Variants in SAMD5 observed in about 807,000 individuals in gnomAD.
The protein encoded by SAMD5 is sterile alpha motif domain containing 5.
A neutral mutation model predicts 11.3 loss-of-function variants in SAMD5; 13 were observed. The observed-to-expected ratio is 1.15, with a 90% confidence interval of 0.75 to 1.83. SAMD5 has a LOEUF of 1.83. Among genes scored for constraint, SAMD5 ranks in the 40% most tolerant of loss-of-function variants. SAMD5 has a pLI of 0.00. For synonymous variants in SAMD5, 129 were observed against 111.3 expected (o/e 1.16, Z -1.00); for missense variants, 255 against 239.1 (o/e 1.07, Z -0.44).
At chr6:147,922,706 A>C in the SAMD5 span, among the ~76,000 whole-genome samples, 92 of 152,340 alleles carry the variant, frequency 6.0e-4, no homozygotes, top group African/African-American at 2.0e-3. Flanking sequence ...CTATTTTTTC[A>C]GTAATGCTTA....
intron 1 of SAMD5, among the ~76,000 whole-genome samples, chr6:147,720,462 CA>C (rs11335024): frequency 0.12 from 16,374 of 141,294 alleles, 2,571 homozygotes; most frequent in African/African-American, 0.37. Context: ...GACTCTGTCT[CA>C]AAAAAAAAAA....
intron 1 of SAMD5, among the ~76,000 whole-genome samples, chr6:147,576,419 G>A (rs550330319): frequency 7.2e-5 from 11 of 152,132 alleles, no homozygotes; most frequent in Non-Finnish European, 1.5e-4. Flanking sequence ...GATTACAGGC[G>A]TGAGCCACTG....
intron 1 of SAMD5, among the ~76,000 whole-genome samples, chr6:147,633,644 T>C (rs1252423394): frequency 6.6e-6 from 1 of 152,024 alleles, no homozygotes; most frequent in East Asian, 1.9e-4. Flanking sequence ...ATGCAAAGTA[T>C]TGAACCCAAT....
the SAMD5 span, among the ~76,000 whole-genome samples, chr6:147,898,893 TGTGTTGGCCGGGC>T: frequency 6.6e-6 from 1 of 151,928 alleles, no homozygotes; most frequent in African/African-American, 2.4e-5. Context: ...TAAGATAACA[TGTGTTGGCCGGGC>T]GTGGTGGCTC....
At chr6:147,664,308 G>C (rs1187108973) in intron 1 of SAMD5, among the ~76,000 whole-genome samples, 2 of 152,244 alleles carry the variant, frequency 1.3e-5, no homozygotes, top group East Asian at 3.9e-4. Context: ...CTCTGTCAGA[G>C]GAAAGGGCAT....
At chr6:147,564,249 A>G (rs139345445) in intron 1 of SAMD5, 145 bp from the exon 2 acceptor site, 2 of 516,398 alleles carry the variant, frequency 3.9e-6, no homozygotes, top group African/African-American at 3.9e-5. Flanking sequence ...ACAAGCAAAA[A>G]CTCTTAGGGC....
chr6:147,636,284 A>C (rs1338500580), intron 1 of SAMD5, among the ~76,000 whole-genome samples: 1 of 152,208 alleles, frequency 6.6e-6, no homozygotes, highest in African/African-American at 2.4e-5. Context: ...ATGCGAGGTA[A>C]TTCTGTAATA....
chr6:147,646,971 CTAATAATAATAATAATAATAATAA>C (rs5880722), intron 1 of SAMD5, among the ~76,000 whole-genome samples: 1 of 138,090 alleles, frequency 7.2e-6, no homozygotes, highest in South Asian at 2.4e-4. Context: ...AACCTCATCT[CTAATAATAATAATAATAATAATAA>C]TAATAATAAT....
the SAMD5 span, among the ~76,000 whole-genome samples, chr6:147,844,997 TCA>T: frequency 2.0e-5 from 3 of 152,150 alleles, no homozygotes; most frequent in Non-Finnish European, 4.4e-5. Context: ...TCAAATGTTC[TCA>T]CCACAAATAA....
the SAMD5 span, among the ~76,000 whole-genome samples, chr6:147,918,596 C>A: frequency 6.6e-6 from 1 of 151,990 alleles, no homozygotes; most frequent in Non-Finnish European, 1.5e-5. Context: ...TTTAGAAAAC[C>A]CCATTGTTTC....
the SAMD5 span, among the ~76,000 whole-genome samples, chr6:147,772,834 C>T: frequency 2.6e-5 from 4 of 152,154 alleles, no homozygotes; most frequent in African/African-American, 4.8e-5. Context: ...GGGATTAGGG[C>T]TTCAACATAT....
the SAMD5 span, among the ~76,000 whole-genome samples, chr6:147,937,798 T>C: frequency 1.1e-4 from 16 of 152,200 alleles, no homozygotes; most frequent in Non-Finnish European, 2.1e-4. Context: ...AATTTGATAA[T>C]GTCATATATC....
At chr6:147,938,340 A>G in the SAMD5 span, among the ~76,000 whole-genome samples, 1 of 152,242 alleles carries the variant, frequency 6.6e-6, no homozygotes, top group African/African-American at 2.4e-5. Context: ...AACGAAAAAG[A>G]TAACACTCCT....
chr6:147,530,277 A>G (rs1166783965), intron 1 of SAMD5, among the ~76,000 whole-genome samples: 1 of 152,238 alleles, frequency 6.6e-6, no homozygotes, highest in Non-Finnish European at 1.5e-5. Flanking sequence ...CTGGAGGAGA[A>G]ATTATTTTTG....
the SAMD5 span, among the ~76,000 whole-genome samples, chr6:147,816,293 A>T: frequency 7.3e-4 from 67 of 91,534 alleles, no homozygotes; most frequent in African/African-American, 3.7e-3. Flanking sequence ...AAAAAAAAAA[A>T]AAAAAAAAAT....
downstream of SAMD5, chr6:147,570,171 G>C (rs1478913529): frequency 1.0e-5 from 3 of 297,670 alleles, no homozygotes; most frequent in Non-Finnish European, 1.5e-5. Context: ...AAAGGAAAAA[G>C]TGGGTCTTGC....
chr6:147,819,906 G>A, the SAMD5 span, among the ~76,000 whole-genome samples: 20,682 of 152,258 alleles, frequency 0.14, 1,544 homozygotes, highest in Middle Eastern at 0.18. Context: ...TCCCATAGTC[G>A]TGGTGGCAAC....
rs1788776220 is a variant in SAMD5, at chr6:147,551,812, T to TTATTTATATATATA, written c.460-12579_460-12578insTTATATATATATAT. ...CTTAAATGTGATTCTTATATATATG[T>TTATTTATATATATA]TATATATATATATATATATATATAT... On this transcript the variant is annotated intron_variant, in intron 1 of 1. Transcript: ENST00000367474. 1.7e-4 allele frequency among the ~76,000 whole-genome samples: 17 copies of TTATTTATATATATA among 99,454 alleles called. No homozygotes were observed. The Admixed American group carries it at 2.0e-3, about 12-fold the overall frequency. The allele number at this position is 99,454 out of a possible 152,430, so 65.2% of individuals were successfully genotyped here.
rs886200970 is a variant in SAMD5, at chr6:147,565,043, A to G, written c.*587A>G. ...ATATAGTTATTTTGTATATTGGTACAATGTTAAAGGTGATGAATTAAGGAA... is the reference window on the plus strand; with the variant it reads ...ATATAGTTATTTTGTATATTGGTACGATGTTAAAGGTGATGAATTAAGGAA... On this transcript the variant is annotated 3_prime_UTR_variant, in exon 2 of 2. Transcript: ENST00000367474. The G allele has an allele frequency of 1.0e-6, 1 of 970,280 alleles. No homozygotes were observed. The highest frequency in any genetic ancestry group is 1.8e-5 in the African/African-American group (1 of 56,848). The allele number at this position is 970,280 out of a possible 1,614,324, so 60.1% of individuals were successfully genotyped here.
Sources: allele counts gnomAD v4.1 joint callset (sites outside exome capture counted in the v4.1 genomes callset), GRCh38; gene constraint gnomAD v4.1.1; transcripts MANE v1.5; gene names NCBI Gene and HGNC (gene_info 2026-07-23, HGNC 2026-07-21).